The following SLC24A3 variants were observed in gnomAD, a reference collection of about 807,000 sequenced individuals.
SLC24A3 encodes the protein sodium/potassium/calcium exchanger 3.
A neutral mutation model predicts 75.8 loss-of-function variants in SLC24A3; 28 were observed. The observed-to-expected ratio is 0.37, with a 90% confidence interval of 0.27 to 0.51. The LOEUF (loss-of-function observed/expected upper bound fraction) is 0.51. Ranked by LOEUF, SLC24A3 falls within the 20% of genes least tolerant of loss-of-function variation. The pLI is 0.94. For missense variants in SLC24A3, 663 were observed against 847.8 expected, an observed-to-expected ratio of 0.78 and a Z score of 2.71; for synonymous variants, 372 against 334.1, an observed-to-expected ratio of 1.11 and a Z score of -1.24.
chr20:19,710,796 G>A (rs923123256), intron 15 of SLC24A3, among the ~76,000 whole-genome samples: 2 of 152,216 alleles, frequency 1.3e-5, no homozygotes, highest in African/African-American at 4.8e-5. Flanking sequence ...TTTTGTTGAA[G>A]TGTGGATTAC....
intron 6 of SLC24A3, among the ~76,000 whole-genome samples, chr20:19,590,960 C>G (rs904164972): frequency 6.6e-6 from 1 of 152,210 alleles, no homozygotes; most frequent in African/African-American, 2.4e-5. Context: ...GCTGAGGCCC[C>G]AGTCTTATGA....
chr20:19,306,718 G>C (rs59591818), intron 2 of SLC24A3, among the ~76,000 whole-genome samples: 23,616 of 151,946 alleles, frequency 0.16, 4,491 homozygotes, highest in African/African-American at 0.43. Flanking sequence ...AAGTAGGGAG[G>C]GGGTGAGGGA....
rs970431373 is a variant in SLC24A3 at position 19,518,550 on chromosome 20, T to C, written c.348+2986T>C. Among the ~76,000 whole-genome samples, 7 of 152,274 alleles carry C rather than the reference T, an allele frequency of 4.6e-5. No individual in the cohort carries two copies. The South Asian group carries it at 1.5e-3, about 32-fold the overall frequency. On this transcript the variant is annotated intron_variant, in intron 3 of 16. Coordinates refer to ENST00000328041, the MANE Select transcript of SLC24A3 (RefSeq NM_020689.4). ...GGACTCCACACAGGAATGGGAAGCC[T>C]CATGATCAGAGACACAGAGAGGTGA...
At chr20:19,497,490 T>C (rs936586745) in intron 2 of SLC24A3, among the ~76,000 whole-genome samples, 10 of 152,208 alleles carry the variant, frequency 6.6e-5, no homozygotes, top group Non-Finnish European at 1.5e-4. Context: ...TCTAATGTAC[T>C]GTGAAATGTA....
intron 1 of SLC24A3, among the ~76,000 whole-genome samples, chr20:19,259,257 A>G (rs1982910160): frequency 6.6e-6 from 1 of 152,190 alleles, no homozygotes; most frequent in Admixed American, 6.5e-5. Flanking sequence ...AGGTGCTGGG[A>G]CACTCTGACT....
At chr20:19,214,722 A>G (rs1981507038) in intron 1 of SLC24A3, among the ~76,000 whole-genome samples, 2 of 152,174 alleles carry the variant, frequency 1.3e-5, no homozygotes, top group South Asian at 4.1e-4. Context: ...GGGGACTGGA[A>G]TGTCATTTTG....
intron 7 of SLC24A3, among the ~76,000 whole-genome samples, chr20:19,661,171 T>G (rs2122716594): frequency 6.6e-6 from 1 of 152,316 alleles, no homozygotes; most frequent in South Asian, 2.1e-4. Flanking sequence ...CCCCATCTCC[T>G]ATATCCTCAG....
At chr20:19,635,404 G>C (rs912391728) in intron 6 of SLC24A3, among the ~76,000 whole-genome samples, 1 of 152,222 alleles carries the variant, frequency 6.6e-6, no homozygotes, top group African/African-American at 2.4e-5. Context: ...AAAATTTGGT[G>C]TGTGAGTAGG....
intron 3 of SLC24A3, among the ~76,000 whole-genome samples, chr20:19,525,462 G>A (rs920297191): frequency 6.6e-6 from 1 of 152,130 alleles, no homozygotes; most frequent in East Asian, 1.9e-4. Context: ...AGCCAGTGAC[G>A]GCTGGGGAGA....
rs1273259123 is a variant in SLC24A3, at chr20:19,287,222, C to T, written c.271+6135C>T. Among the ~76,000 whole-genome samples, 3 of 152,206 alleles carry T rather than the reference C, an allele frequency of 2.0e-5. No individual in the cohort carries two copies. The South Asian group carries it at 6.2e-4, about 31-fold the overall frequency. ...GACTCCAGAACCTTCTATCTTTAGG[C>T]CTTTCCCTCCTCAACTTGGCTTCCA... On this transcript the variant is annotated intron_variant, in intron 2 of 16. Transcript: ENST00000328041.
chr20:19,412,500 CAG>C (rs771490535), intron 2 of SLC24A3, among the ~76,000 whole-genome samples: 4 of 150,780 alleles, frequency 2.7e-5, no homozygotes, highest in Admixed American at 6.6e-5. Flanking sequence ...AGAGAAGAAA[CAG>C]AAGAGGGAGA....
intron 6 of SLC24A3, among the ~76,000 whole-genome samples, chr20:19,636,162 A>G (rs1280518317): frequency 6.6e-6 from 1 of 152,162 alleles, no homozygotes; most frequent in Non-Finnish European, 1.5e-5. Context: ...AAAGAAAGAA[A>G]GAAAGATCTC....
At chr20:19,643,799 G>A (rs560820424) in intron 6 of SLC24A3, among the ~76,000 whole-genome samples, 2 of 152,306 alleles carry the variant, frequency 1.3e-5, no homozygotes, top group South Asian at 2.1e-4. Context: ...TGGAGACCAA[G>A]TACTATGATG....
chr20:19,505,069 A>G (rs1383050280), intron 2 of SLC24A3, among the ~76,000 whole-genome samples: 1 of 152,244 alleles, frequency 6.6e-6, no homozygotes, highest in Non-Finnish European at 1.5e-5. Flanking sequence ...CTGCTAGGCC[A>G]ATAGTCTATG....
Position 19,508,458 on chromosome 20 carries a change from T to A in SLC24A3, c.272-7030T>A, listed in dbSNP as rs1433578097. On this transcript the variant is annotated intron_variant, in intron 2 of 16. Transcript: ENST00000328041. ...ATTTTGGCCTGCTCCATTTGATCAA[T>A]ATGTGATGAGTATGTCTAAAGATGG... is the stretch of plus-strand genomic sequence containing the variant. Among the ~76,000 whole-genome samples the A allele has an allele frequency of 2.0e-5, 3 of 152,298 alleles. No individual in the cohort carries two copies. In the East Asian group the frequency reaches 5.8e-4, roughly 29 times the overall value.
chr20:19,651,712 T>A (rs1248777785), intron 6 of SLC24A3, among the ~76,000 whole-genome samples: 3 of 151,726 alleles, frequency 2.0e-5, no homozygotes, highest in Non-Finnish European at 2.9e-5. Context: ...TACAAAAAAA[T>A]TTGCCAGGCG....
chr20:19,350,285 T>C (rs757466575), intron 2 of SLC24A3, among the ~76,000 whole-genome samples: 14 of 152,248 alleles, frequency 9.2e-5, no homozygotes, highest in Non-Finnish European at 1.6e-4. Flanking sequence ...CAAAGTTACC[T>C]TGAAAAATTA....
chr20:19,378,972 T>A (rs899813798), intron 2 of SLC24A3, among the ~76,000 whole-genome samples: 5 of 150,662 alleles, frequency 3.3e-5, no homozygotes, highest in Non-Finnish European at 7.4e-5. Context: ...AACTGGGGAG[T>A]TTTAAAAAGT....
At chr20:19,515,766 A>G (rs1243707060) in intron 3 of SLC24A3, among the ~76,000 whole-genome samples, 2 of 152,206 alleles carry the variant, frequency 1.3e-5, no homozygotes, top group African/African-American at 4.8e-5. Flanking sequence ...GCCATCTGTT[A>G]TGCACTTTCC....
Sources: gnomAD v4.1 joint callset for allele counts (sites outside exome capture counted in the v4.1 genomes callset) on GRCh38, gnomAD v4.1.1 for gene constraint, MANE v1.5 for transcripts, NCBI Gene and HGNC (gene_info 2026-07-23, HGNC 2026-07-21) for gene names.